L3MBTL2: variants seen among roughly 807,000 people sequenced by gnomAD.
The protein encoded by L3MBTL2 is L3MBTL histone methyl-lysine binding protein 2.
Under a neutral mutation model 86.4 loss-of-function variants are expected in L3MBTL2, and 49 were observed. That is an observed-to-expected ratio of 0.57 (90% CI 0.45 to 0.72). The LOEUF (loss-of-function observed/expected upper bound fraction) is 0.72, where lower values mean the gene tolerates loss of function less well. Ranked by LOEUF, L3MBTL2 falls within the 30% of genes least tolerant of loss-of-function variation. The pLI is 0.00. For missense variants in L3MBTL2, 755 were observed against 923.7 expected, an observed-to-expected ratio of 0.82 and a Z score of 2.37; for synonymous variants, 336 against 350.6, an observed-to-expected ratio of 0.96 and a Z score of 0.47.
intron 1 of L3MBTL2, among the ~76,000 whole-genome samples, chr22:41,206,343 C>G (rs749266057): frequency 3.3e-5 from 5 of 151,774 alleles, no homozygotes; most frequent in Non-Finnish European, 7.4e-5. Context: ...CGGGGTGTTC[C>G]TATGTTGCCC....
At position 41,225,733 on chromosome 22, in the gene L3MBTL2, C is replaced by G. The variant is rs2032137855; in HGVS notation, c.1357-61C>G. On this transcript the variant is annotated intron_variant, in intron 11 of 16. Coordinates refer to ENST00000216237, the MANE Select transcript of L3MBTL2 (RefSeq NM_031488.5). This position sits in a 1 kb window ranked among gnomAD's most constrained non-coding sequence, Gnocchi z 4.1. ...TCGTGTCCCTATTGGGGTGCGGTAC[C>G]AACCCAGGATGGGGTGCAGTTCATG... 8 of 1,557,654 alleles carry G rather than the reference C, an allele frequency of 5.1e-6. No individual in the cohort carries two copies. In the East Asian group the frequency reaches 1.8e-4, roughly 36 times the overall value.
At chr22:41,220,676 CAG>C (rs1321147164) in intron 6 of L3MBTL2, 56 bp from the exon 7 acceptor site, 33 of 1,167,256 alleles carry the variant, frequency 2.8e-5, no homozygotes, top group East Asian at 1.1e-4. Flanking sequence ...AAAAAAAAAA[CAG>C]AACATACCTT....
rs1272759120 is a variant in L3MBTL2 at position 41,227,626 on chromosome 22, G to C, written c.1823-178G>C. The C allele has an allele frequency of 2.6e-6, 4 of 1,548,104 alleles. No individual in the cohort carries two copies. Among genetic ancestry groups the C allele is most frequent in the Non-Finnish European group, 3.5e-6 (4 of 1,145,420 alleles). On this transcript the variant is annotated intron_variant, in intron 14 of 16. Transcript: ENST00000216237. The surrounding 1 kb of genome is among the most constrained non-coding windows in gnomAD (Gnocchi z 6.0). Reference sequence around the variant, plus strand: ...GCCCTGGTAACAAGGGTGGGAAGAAGGGACAGCTGTTCTCCGGCCCCTCCT... The same window carrying C: ...GCCCTGGTAACAAGGGTGGGAAGAACGGACAGCTGTTCTCCGGCCCCTCCT...
At chr22:41,228,337 C>G (rs1399438622) in intron 15 of L3MBTL2, 1 of 985,360 alleles carries the variant, frequency 1.0e-6, no homozygotes, top group Non-Finnish European at 1.2e-6. Context: ...TGGCAGGACT[C>G]CACCTGGCTC....
intron 3 of L3MBTL2, 59 bp downstream of exon 3, chr22:41,214,085 A>C: frequency 6.3e-7 from 1 of 1,584,870 alleles, no homozygotes; most frequent in Non-Finnish European, 8.6e-7. Context: ...AGGAACCACC[A>C]AGTGACTGAA....
chr22:41,226,255 C>T lies in L3MBTL2; in HGVS notation c.1504+314C>T, dbSNP rs530765526. Among the ~76,000 whole-genome samples the T allele has an allele frequency of 1.6e-4, 24 of 152,208 alleles. No homozygotes were observed. In the East Asian group the frequency reaches 4.1e-3, roughly 26 times the overall value. On this transcript the variant is annotated intron_variant, in intron 12 of 16. Transcript: ENST00000216237. ...TCATGCCATTGCACTCCAGCCTGGGCGACAGAGCAAGACTCTGTCTTCAAA... is the reference window on the plus strand; with the variant it reads ...TCATGCCATTGCACTCCAGCCTGGGTGACAGAGCAAGACTCTGTCTTCAAA...
intron 6 of L3MBTL2, 73 bp from the exon 7 acceptor site, chr22:41,220,661 A>C: frequency 9.9e-7 from 1 of 1,008,758 alleles, no homozygotes; most frequent in Non-Finnish European, 1.3e-6. Flanking sequence ...TCGTCTCAGA[A>C]AAAAAAAAAA....
intron 5 of L3MBTL2, chr22:41,218,776 A>G (rs1175870281): frequency 2.0e-5 from 3 of 152,074 alleles, no homozygotes; most frequent in Non-Finnish European, 4.4e-5. Flanking sequence ...GGCATGTGCC[A>G]CCACCACGCC....
chr22:41,215,948 C>T (rs1402315699), intron 3 of L3MBTL2, among the ~76,000 whole-genome samples, 191 bp from the exon 4 acceptor site: 2 of 152,118 alleles, frequency 1.3e-5, no homozygotes, highest in African/African-American at 4.8e-5. Flanking sequence ...CCCCTAGCAC[C>T]CCCGACGCTT....
At chr22:41,216,482 CATG>C (rs1437466360) in intron 4 of L3MBTL2, among the ~76,000 whole-genome samples, 1 of 152,156 alleles carries the variant, frequency 6.6e-6, no homozygotes, top group African/African-American at 2.4e-5. Flanking sequence ...GACTCCTACC[CATG>C]ATAATTCAAA....
chr22:41,222,778 G>C (rs1054907490), intron 8 of L3MBTL2, among the ~76,000 whole-genome samples: 1 of 152,190 alleles, frequency 6.6e-6, no homozygotes, highest in African/African-American at 2.4e-5. Context: ...AAATTAGCTG[G>C]GTGTGGTGGC....
chr22:41,207,742 T>A lies in L3MBTL2; in HGVS notation c.25-1954T>A, dbSNP rs77336363. Reference sequence around the variant, plus strand: ...AGGCTGGAGTGCAATGGTGTGATCATGATTCAGTGCAGCCTTGACCTCCCA... The same window carrying A: ...AGGCTGGAGTGCAATGGTGTGATCAAGATTCAGTGCAGCCTTGACCTCCCA... On this transcript the variant is annotated intron_variant, in intron 1 of 16. Coordinates refer to ENST00000216237, the MANE Select transcript of L3MBTL2 (RefSeq NM_031488.5). 4.5e-3 allele frequency among the ~76,000 whole-genome samples: 689 copies of A among 152,184 alleles called. 2 individuals are homozygous for A. The highest frequency in any genetic ancestry group is 6.9e-3 in the Non-Finnish European group (466 of 68,004).
intron 2 of L3MBTL2, among the ~76,000 whole-genome samples, chr22:41,213,041 C>A (rs948245371): frequency 5.3e-5 from 8 of 152,132 alleles, no homozygotes; most frequent in Admixed American, 6.6e-5. Flanking sequence ...CATGGTGAAA[C>A]CCCGTCTCTA....
At chr22:41,221,871 G>C (rs1430173897) in intron 8 of L3MBTL2, among the ~76,000 whole-genome samples, 1 of 150,508 alleles carries the variant, frequency 6.6e-6, no homozygotes, top group African/African-American at 2.5e-5. Context: ...CCAAAGTGCT[G>C]GGATTACAGG....
chr22:41,230,000 C>T (rs2032473740), intron 16 of L3MBTL2, 139 bp from the exon 17 acceptor site: 1 of 713,744 alleles, frequency 1.4e-6, no homozygotes, highest in Non-Finnish European at 2.4e-6. Context: ...CCACTGCCCT[C>T]CCAGAAGGGA....
rs1204966466 is a variant in L3MBTL2 at position 41,220,866 on chromosome 22, G to C, written c.851G>C (p.Arg284Pro). 2 of 1,612,792 alleles carry C rather than the reference G, an allele frequency of 1.2e-6. No homozygotes were observed. Among genetic ancestry groups the C allele is most frequent in the Admixed American group, 3.3e-5 (2 of 59,968 alleles). The change falls in exon 7 of 17, where the codon CGG (arginine) becomes CCG (proline). Residue 284 changes from arginine (R) to proline (P), a missense_variant and splice_region_variant. Arg to Pro is a moderately radical substitution (Grantham distance 103, BLOSUM62 -2). Transcript: ENST00000216237. ...AACAGCAAGATCCTAGTGCCCCCAC[G>C]GAGTGAGTTGATGAGAACATTTCCT... ...AINSKILVPP[R>P]TIHAKFTDWK...
intron 1 of L3MBTL2, chr22:41,208,484 G>A (rs938422238): frequency 2.3e-5 from 6 of 259,130 alleles, no homozygotes; most frequent in Admixed American, 5.1e-5. Context: ...TATCTCATTT[G>A]CATCTCACGA....
At chr22:41,216,905 G>A (rs2031417828) in intron 4 of L3MBTL2, 1 of 503,162 alleles carries the variant, frequency 2.0e-6, no homozygotes, top group Admixed American at 3.6e-5. Flanking sequence ...ACTCCTGAGA[G>A]TCTTGCCACC....
rs950235892 is a variant in L3MBTL2, at chr22:41,209,990, G to T, written c.262+57G>T. 40 of 1,587,778 alleles carry T rather than the reference G, an allele frequency of 2.5e-5. 1 individual carries two copies. Among genetic ancestry groups the T allele is most frequent in the South Asian group, 1.3e-4 (11 of 87,376 alleles). ...GGAGATAGAAGATTATAGAGGAAGA[G>T]GGGGGTGGATATAGGCTATATGGGC... On this transcript the variant is annotated intron_variant, in intron 2 of 16. Transcript: ENST00000216237.
Sources: gnomAD v4.1 joint callset for allele counts (sites outside exome capture counted in the v4.1 genomes callset) on GRCh38, gnomAD v4.1.1 for gene constraint, Gnocchi (gnomAD v3.1) non-coding constraint, MANE v1.5 for transcripts, NCBI Gene and HGNC (gene_info 2026-07-23, HGNC 2026-07-21) for gene names.